Variants in GLIS3 observed in about 807,000 individuals in gnomAD.
GLIS3 encodes GLIS family zinc finger 3.
Under a neutral mutation model 78.6 loss-of-function variants are expected in GLIS3, and 53 were observed. The observed-to-expected ratio is 0.67, with a 90% CI of 0.54 to 0.85. GLIS3 has a LOEUF of 0.85. Ranked by LOEUF, GLIS3 falls within the 40% of genes least tolerant of loss-of-function variation. The pLI, the probability that GLIS3 is intolerant of heterozygous loss-of-function variation, is 0.00. For missense variants in GLIS3, 1,703 were observed against 1,231.1 expected, an observed-to-expected ratio of 1.38 and a Z score of -5.74; for synonymous variants, 684 against 509.9, an observed-to-expected ratio of 1.34 and a Z score of -4.60.
chr9:4,069,498 G>C (rs1827404459), intron 4 of GLIS3, among the ~76,000 whole-genome samples: 1 of 152,182 alleles, frequency 6.6e-6, no homozygotes, highest in Non-Finnish European at 1.5e-5. Context: ...CCCTGAGTCT[G>C]GAACAGCCAG....
chr9:4,296,427 GC>G (rs1348769218), intron 1 of GLIS3, among the ~76,000 whole-genome samples: 1 of 152,078 alleles, frequency 6.6e-6, no homozygotes, highest in African/African-American at 2.4e-5. Context: ...TCCTACCCAG[GC>G]TATTTTAGCT....
intron 4 of GLIS3, among the ~76,000 whole-genome samples, chr9:4,050,640 T>C (rs143012548): frequency 6.6e-6 from 1 of 152,144 alleles, no homozygotes; most frequent in Non-Finnish European, 1.5e-5. Flanking sequence ...CGAGGAATGT[T>C]TGAAGAATGT....
At chr9:4,151,669 T>C (rs1329569556) in intron 2 of GLIS3, among the ~76,000 whole-genome samples, 1 of 152,206 alleles carries the variant, frequency 6.6e-6, no homozygotes, top group African/African-American at 2.4e-5. Context: ...GTGGCCTTTC[T>C]TCATCTTTGT....
At chr9:4,148,410 T>G (rs1834394591) in intron 2 of GLIS3, among the ~76,000 whole-genome samples, 1 of 152,122 alleles carries the variant, frequency 6.6e-6, no homozygotes, top group Non-Finnish European at 1.5e-5. Flanking sequence ...TCAGCTCAAA[T>G]GCTACCTCCT....
chr9:4,116,696 G>A (rs533115048), intron 4 of GLIS3, among the ~76,000 whole-genome samples: 2 of 152,222 alleles, frequency 1.3e-5, no homozygotes, highest in African/African-American at 4.8e-5. Context: ...GAAGGAACTC[G>A]GGCTGGGGAA....
At chr9:4,084,577 G>C (rs1021945871) in intron 4 of GLIS3, among the ~76,000 whole-genome samples, 43 of 152,096 alleles carry the variant, frequency 2.8e-4, no homozygotes, top group African/African-American at 8.7e-4. Flanking sequence ...CTGTGAGGAA[G>C]AAGGGGAAAA....
At chr9:4,404,959 T>C in the GLIS3 span, among the ~76,000 whole-genome samples, 525 of 151,676 alleles carry the variant, frequency 3.5e-3, 2 homozygotes, top group African/African-American at 0.012. Flanking sequence ...ATAAGCAAAA[T>C]TGATGAACCT....
the GLIS3 span, among the ~76,000 whole-genome samples, chr9:4,452,494 T>C: frequency 6.6e-6 from 1 of 152,288 alleles, no homozygotes; most frequent in Admixed American, 6.5e-5. Flanking sequence ...ACAAACTCAA[T>C]GTGCAGAAAT....
At chr9:4,063,993 A>G (rs1826873544) in intron 4 of GLIS3, among the ~76,000 whole-genome samples, 1 of 152,222 alleles carries the variant, frequency 6.6e-6, no homozygotes, top group Admixed American at 6.5e-5. Flanking sequence ...CAGATGTCAA[A>G]TATATTTCAA....
chr9:3,940,375 T>C (rs1354226605), intron 4 of GLIS3, among the ~76,000 whole-genome samples: 2 of 152,192 alleles, frequency 1.3e-5, no homozygotes, highest in African/African-American at 2.4e-5. Flanking sequence ...GAGTGTTTCC[T>C]TGGGTTTGGC....
At chr9:4,032,721 C>G (rs1466580972) in intron 4 of GLIS3, among the ~76,000 whole-genome samples, 1 of 152,038 alleles carries the variant, frequency 6.6e-6, no homozygotes, top group East Asian at 1.9e-4. Context: ...GCCCATATAC[C>G]CTATGCCATG....
intron 2 of GLIS3, among the ~76,000 whole-genome samples, chr9:4,169,873 CTT>C (rs1362678635): frequency 4.6e-5 from 7 of 152,012 alleles, no homozygotes; most frequent in Non-Finnish European, 8.8e-5. Flanking sequence ...AAAATTAAAA[CTT>C]AAAATATAAT....
At chr9:3,997,406 G>A (rs944426688) in intron 4 of GLIS3, among the ~76,000 whole-genome samples, 5 of 150,860 alleles carry the variant, frequency 3.3e-5, no homozygotes, top group African/African-American at 7.4e-5. Context: ...TAAAAGTTGA[G>A]TTGTAACATT....
intron 1 of GLIS3, among the ~76,000 whole-genome samples, chr9:4,297,367 G>A (rs944865264): frequency 1.3e-5 from 2 of 152,164 alleles, no homozygotes; most frequent in Non-Finnish European, 2.9e-5. Context: ...AACCTCTAAC[G>A]TCTCTGGGGC....
chr9:4,305,985 A>G (rs1817218782), intron 4 of GLIS3: 1 of 152,264 alleles, frequency 6.6e-6, no homozygotes, highest in South Asian at 2.1e-4. Flanking sequence ...AGTTACCATC[A>G]TGAATACAAA....
At position 4,118,656 on chromosome 9, in the gene GLIS3, A is replaced by G. The variant is rs750596069; in HGVS notation, c.822T>C (p.Phe274=). Residue 274 remains phenylalanine, a synonymous_variant, in exon 4 of 11, where the codon TTT becomes TTC. Transcript: ENST00000381971. This position sits in a 1 kb window ranked among gnomAD's most constrained non-coding sequence, Gnocchi z 4.7. ...AAGGAGAGTGGCTACTTTCCGTGCC[A>G]AAAAGGTAGGATGGTAATGAGTTAG... ...SVSNSLPSYL[F]GTESSHSPYP... 2 of 1,614,146 alleles carry G rather than the reference A, an allele frequency of 1.2e-6. No homozygotes were observed. The highest frequency in any genetic ancestry group is 1.7e-6 in the Non-Finnish European group (2 of 1,180,012).
rs188126380 is a variant in GLIS3, at chr9:4,147,014, G to A, written c.389-21073C>T. On this transcript the variant is annotated intron_variant, in intron 2 of 10. Transcript: ENST00000381971. ...TATACCAAATTAAAGGCATTTCACC[G>A]TATGCCTCTAATTTTCTAGCCACCC... is the stretch of plus-strand genomic sequence containing the variant. Among the ~76,000 whole-genome samples, 249 of 152,168 alleles carry A rather than the reference G, an allele frequency of 1.6e-3. 2 individuals are homozygous for A. The highest frequency in any genetic ancestry group is 6.2e-3 in the East Asian group (32 of 5,188).
At chr9:4,379,395 G>A in the GLIS3 span, among the ~76,000 whole-genome samples, 1 of 152,206 alleles carries the variant, frequency 6.6e-6, no homozygotes, top group Non-Finnish European at 1.5e-5. Context: ...AAATTCAAAT[G>A]CTAAAGATAA....
intron 2 of GLIS3, among the ~76,000 whole-genome samples, chr9:4,214,067 A>C (rs59639996): frequency 0.016 from 2,383 of 152,286 alleles, 74 homozygotes; most frequent in African/African-American, 0.055. Flanking sequence ...GTGACACCTC[A>C]TCTCACTCAT....
Sources: allele counts gnomAD v4.1 joint callset (sites outside exome capture counted in the v4.1 genomes callset), GRCh38; gene constraint gnomAD v4.1.1; non-coding constraint Gnocchi (gnomAD v3.1); transcripts MANE v1.5; gene names NCBI Gene and HGNC (gene_info 2026-07-23, HGNC 2026-07-21).